FARS2: variants seen among roughly 807,000 people sequenced by gnomAD.
FARS2 encodes phenylalanyl-tRNA synthetase 2, mitochondrial.
In FARS2, 40 loss-of-function variants were observed where a neutral mutation model predicts 46.4. The observed-to-expected ratio is 0.86, with a 90% confidence interval of 0.67 to 1.12. FARS2 has a LOEUF of 1.12. FARS2 is among the 50% of genes most tolerant of loss of function. The pLI, the probability that FARS2 is intolerant of heterozygous loss-of-function variation, is 0.00. For missense variants in FARS2, 513 were observed against 567.9 expected, an observed-to-expected ratio of 0.90 and a Z score of 0.98; for synonymous variants, 234 against 214.9, an observed-to-expected ratio of 1.09 and a Z score of -0.78.
intron 1 of FARS2, among the ~76,000 whole-genome samples, chr6:5,269,093 G>A (rs1274509723): frequency 6.6e-6 from 1 of 152,140 alleles, no homozygotes; most frequent in Non-Finnish European, 1.5e-5. Context: ...CAACCCAAAT[G>A]TCCATCAATG....
intron 1 of FARS2, among the ~76,000 whole-genome samples, chr6:5,330,843 C>A (rs1368362495): frequency 6.6e-6 from 1 of 152,024 alleles, no homozygotes; most frequent in African/African-American, 2.4e-5. Context: ...GGGTGGGTCA[C>A]GCCTGTAATC....
rs1012942827 is a variant in FARS2 at position 5,642,948 on chromosome 6, C to T, written c.1217+29628C>T. Among the ~76,000 whole-genome samples the T allele has an allele frequency of 3.9e-5, 6 of 152,356 alleles. No homozygotes were observed. The South Asian group carries it at 1.2e-3, about 32-fold the overall frequency. On this transcript the variant is annotated intron_variant, in intron 6 of 6. Coordinates refer to ENST00000274680, the MANE Select transcript of FARS2 (RefSeq NM_006567.5). ...CAGCCTTGAAGCGTGTTCACGCTGG[C>T]TGTGGTTGGGTCTGGCCCTGCAATG... is the stretch of plus-strand genomic sequence containing the variant.
intron 4 of FARS2, among the ~76,000 whole-genome samples, chr6:5,519,892 A>G (rs9502311): frequency 0.43 from 65,759 of 152,046 alleles, 14,864 homozygotes; most frequent in African/African-American, 0.55. Flanking sequence ...TAATATTATT[A>G]TGTTGCTTTG....
chr6:5,328,562 A>C (rs1770561327), intron 1 of FARS2, among the ~76,000 whole-genome samples: 1 of 152,028 alleles, frequency 6.6e-6, no homozygotes, highest in Non-Finnish European at 1.5e-5. Flanking sequence ...CTGTTTCCTA[A>C]GCTGATCCCT....
chr6:5,684,088 T>C (rs1486906160), intron 6 of FARS2, among the ~76,000 whole-genome samples: 2 of 152,120 alleles, frequency 1.3e-5, no homozygotes, highest in Non-Finnish European at 2.9e-5. Context: ...ATTATAACTT[T>C]CCCCCTCAGA....
At chr6:5,338,801 T>C (rs1216680009) in intron 1 of FARS2, among the ~76,000 whole-genome samples, 1 of 152,190 alleles carries the variant, frequency 6.6e-6, no homozygotes, top group Non-Finnish European at 1.5e-5. Flanking sequence ...CCCTTGTTTG[T>C]TGAACGAGTG....
chr6:5,729,531 G>A (rs1267164968), intron 6 of FARS2, among the ~76,000 whole-genome samples: 15 of 152,182 alleles, frequency 9.9e-5, no homozygotes, highest in East Asian at 5.8e-4. Flanking sequence ...GCACCTGGCC[G>A]TAAGATTTTC....
At chr6:5,714,684 G>C (rs1364658966) in intron 6 of FARS2, among the ~76,000 whole-genome samples, 1 of 151,978 alleles carries the variant, frequency 6.6e-6, no homozygotes, top group Admixed American at 6.6e-5. Flanking sequence ...TGAAGAAATG[G>C]GCACTCCTGA....
chr6:5,615,873 C>G lies in FARS2; in HGVS notation c.1217+2553C>G, dbSNP rs138142946. ...CCAACTTTCTTTAAACATGACTCAT[C>G]TCTTCGATTTTCTTGTATAGGTCTT... On this transcript the variant is annotated intron_variant, in intron 6 of 6. Coordinates refer to ENST00000274680, the MANE Select transcript of FARS2 (RefSeq NM_006567.5). 3.4e-3 allele frequency among the ~76,000 whole-genome samples: 520 copies of G among 152,120 alleles called. 1 individual carries two copies. The highest frequency in any genetic ancestry group is 0.015 in the East Asian group (78 of 5,168).
At position 5,542,499 on chromosome 6, in the gene FARS2, T is replaced by C. The variant is rs80026529; in HGVS notation, c.905-2681T>C. Reference sequence around the variant, plus strand: ...GGGTTTCTCTGTTTCATGTTTTGGGTTGGATAATTCTTTGTGGTGGGAAAC... The same window carrying C: ...GGGTTTCTCTGTTTCATGTTTTGGGCTGGATAATTCTTTGTGGTGGGAAAC... On this transcript the variant is annotated intron_variant, in intron 4 of 6. Coordinates refer to ENST00000274680, the MANE Select transcript of FARS2 (RefSeq NM_006567.5). Among the ~76,000 whole-genome samples, 12 of 152,284 alleles carry C rather than the reference T, an allele frequency of 7.9e-5. No homozygotes were observed. In the East Asian group the frequency reaches 2.3e-3, roughly 29 times the overall value.
chr6:5,665,970 G>A (rs1778095532), intron 6 of FARS2, among the ~76,000 whole-genome samples: 1 of 152,136 alleles, frequency 6.6e-6, no homozygotes, highest in African/African-American at 2.4e-5. Flanking sequence ...GGAGGTGGCT[G>A]TAATCGCACA....
chr6:5,729,047 C>T (rs1760457072), intron 6 of FARS2, among the ~76,000 whole-genome samples: 2 of 152,170 alleles, frequency 1.3e-5, no homozygotes, highest in Non-Finnish European at 2.9e-5. Flanking sequence ...ATTCCGATGG[C>T]TTTCGGCATC....
At chr6:5,709,666 A>G (rs965272548) in intron 6 of FARS2, among the ~76,000 whole-genome samples, 5 of 135,048 alleles carry the variant, frequency 3.7e-5, no homozygotes, top group African/African-American at 1.4e-4. Flanking sequence ...TTGATGTTCC[A>G]AGAGGGTGTG....
chr6:5,707,044 A>G (rs533097110), intron 6 of FARS2, among the ~76,000 whole-genome samples: 1 of 152,318 alleles, frequency 6.6e-6, no homozygotes, highest in East Asian at 1.9e-4. Context: ...ACCTGTAAGC[A>G]CTTGCTTGCT....
intron 6 of FARS2, among the ~76,000 whole-genome samples, chr6:5,651,581 G>C (rs1230180430): frequency 6.6e-6 from 1 of 152,242 alleles, no homozygotes; most frequent in African/African-American, 2.4e-5. Context: ...GTCATCATCA[G>C]AGGGGGATCT....
At chr6:5,654,636 A>C (rs1777522159) in intron 6 of FARS2, among the ~76,000 whole-genome samples, 1 of 152,086 alleles carries the variant, frequency 6.6e-6, no homozygotes, top group African/African-American at 2.4e-5. Flanking sequence ...GGGTATTTAC[A>C]TACTACCTGT....
upstream of FARS2, chr6:5,261,026 G>A (rs929621962): frequency 1.7e-5 from 17 of 980,942 alleles, no homozygotes; most frequent in Admixed American, 8.0e-4. Context: ...CGGAGGCTCG[G>A]GACCCAGCAG....
intron 3 of FARS2, among the ~76,000 whole-genome samples, chr6:5,412,122 GT>G (rs1042766208): frequency 2.0e-4 from 30 of 152,154 alleles, no homozygotes; most frequent in Non-Finnish European, 1.8e-4. Context: ...TAAAAGACCT[GT>G]GGTGGTCATT....
intron 4 of FARS2, among the ~76,000 whole-genome samples, chr6:5,503,373 AACACACACACAC>A (rs72295741): frequency 5.9e-5 from 8 of 136,266 alleles, no homozygotes; most frequent in African/African-American, 1.9e-4. Context: ...AGGTATTCTT[AACACACACACAC>A]ACACACACAC....
Sources: allele counts gnomAD v4.1 joint callset (sites outside exome capture counted in the v4.1 genomes callset), GRCh38; gene constraint gnomAD v4.1.1; transcripts MANE v1.5; gene names NCBI Gene and HGNC (gene_info 2026-07-23, HGNC 2026-07-21).